PCDH11Y: variants seen among roughly 807,000 people sequenced by gnomAD.
PCDH11Y encodes protocadherin 11 Y-linked, also known as protocadherin-11 Y-linked.
For synonymous variants in PCDH11Y, 9 were observed against 83.6 expected, an observed-to-expected ratio of 0.11 and a Z score of 4.87; for missense variants, 12 against 224.8, an observed-to-expected ratio of 0.05 and a Z score of 6.05.
chrY:5,427,768 C>T (rs1428477660), intron 2 of PCDH11Y, among the ~76,000 whole-genome samples: 190 of 33,016 alleles, frequency 5.8e-3, no homozygotes, highest in Non-Finnish European at 0.013. Context: ...TACTGACACA[C>T]GCCCAGTAGT....
chrY:5,167,517 T>TTGTG (rs56931360), intron 2 of PCDH11Y, among the ~76,000 whole-genome samples: 20 of 12,733 alleles, frequency 1.6e-3, no homozygotes, highest in East Asian at 4.1e-3. Flanking sequence ...ATCTCTTGGA[T>TTGTG]TGTGTGTGTG....
chrY:5,263,960 T>C, intron 2 of PCDH11Y, among the ~76,000 whole-genome samples: 1 of 33,289 alleles, frequency 3.0e-5, no homozygotes, highest in Non-Finnish European at 7.5e-5. Context: ...TGGTATTCTA[T>C]TGTACTATGG....
chrY:5,477,052 G>A, intron 2 of PCDH11Y, among the ~76,000 whole-genome samples: 1 of 32,125 alleles, frequency 3.1e-5, no homozygotes, highest in African/African-American at 1.2e-4. Context: ...GATTACAGGT[G>A]TGAACCACCA....
chrY:5,037,714 T>C (rs2052601650), intron 3 of PCDH11Y: 1 of 82,179 alleles, frequency 1.2e-5, no homozygotes. Flanking sequence ...AATTTGTTTA[T>C]TCCGTTCAAA....
At chrY:5,157,876 C>CAT (rs2052871158) in intron 2 of PCDH11Y, among the ~76,000 whole-genome samples, 1 of 33,149 alleles carries the variant, frequency 3.0e-5, no homozygotes, top group African/African-American at 1.2e-4. Context: ...CCCCCCTGAA[C>CAT]ATAATTTGCT....
At chrY:5,138,289 C>G in intron 2 of PCDH11Y, among the ~76,000 whole-genome samples, 1 of 32,949 alleles carries the variant, frequency 3.0e-5, no homozygotes, top group Non-Finnish European at 7.5e-5. Context: ...GCATTAAATG[C>G]TTACATCAAA....
At chrY:5,086,286 T>G in intron 1 of PCDH11Y, among the ~76,000 whole-genome samples, 1 of 32,746 alleles carries the variant, frequency 3.1e-5, no homozygotes, top group Non-Finnish European at 7.5e-5. Flanking sequence ...TTCAATCTCT[T>G]TGTTAAATTT....
chrY:5,253,737 A>T, intron 2 of PCDH11Y, among the ~76,000 whole-genome samples: 1 of 33,663 alleles, frequency 3.0e-5, no homozygotes, highest in Admixed American at 2.7e-4. Flanking sequence ...GGACAGGGAC[A>T]ACTGCTGATT....
intron 4 of PCDH11Y, among the ~76,000 whole-genome samples, chrY:5,709,341 C>T (rs2124712878): frequency 3.0e-5 from 1 of 33,236 alleles, no homozygotes; most frequent in African/African-American, 1.2e-4. Flanking sequence ...GTCTATTAAA[C>T]TCTTTCCTGC....
intron 2 of PCDH11Y, among the ~76,000 whole-genome samples, chrY:5,435,353 G>A (rs2053273478): frequency 6.4e-3 from 139 of 21,625 alleles, no homozygotes; most frequent in African/African-American, 0.024. Context: ...TCGCTCTGTC[G>A]CCCAGGCTGG....
intron 2 of PCDH11Y, among the ~76,000 whole-genome samples, chrY:5,435,896 C>T: frequency 3.1e-5 from 1 of 32,730 alleles, no homozygotes. Flanking sequence ...CTTCCCATCT[C>T]ATCATGCCTG....
chrY:5,362,917 T>G (rs2124672051), intron 2 of PCDH11Y, among the ~76,000 whole-genome samples: 12 of 32,411 alleles, frequency 3.7e-4, no homozygotes, highest in Middle Eastern at 0.014. Flanking sequence ...TTTTTAATGG[T>G]ATGTTATGAA....
chrY:5,257,474 A>T, intron 2 of PCDH11Y, among the ~76,000 whole-genome samples: 1 of 30,894 alleles, frequency 3.2e-5, no homozygotes, highest in African/African-American at 1.3e-4. Flanking sequence ...GGCTCATGTG[A>T]TTCTCCCATC....
At chrY:5,640,825 C>T in intron 4 of PCDH11Y, among the ~76,000 whole-genome samples, 1 of 33,352 alleles carries the variant, frequency 3.0e-5, no homozygotes, top group Non-Finnish European at 7.4e-5. Context: ...AGAGAATCAG[C>T]CTGTCCTCTG....
intron 2 of PCDH11Y, among the ~76,000 whole-genome samples, chrY:5,323,558 T>C: frequency 5.9e-5 from 2 of 33,656 alleles, no homozygotes; most frequent in Admixed American, 2.7e-4. Flanking sequence ...CCTAAAAGGG[T>C]AATGACATGC....
At chrY:5,313,819 A>G in intron 2 of PCDH11Y, among the ~76,000 whole-genome samples, 1 of 31,925 alleles carries the variant, frequency 3.1e-5, no homozygotes, top group Non-Finnish European at 7.6e-5. Flanking sequence ...ATAACTATAC[A>G]TATAATATAG....
chrY:5,430,991 T>C, intron 2 of PCDH11Y, among the ~76,000 whole-genome samples: 1 of 32,263 alleles, frequency 3.1e-5, no homozygotes, highest in Non-Finnish European at 7.6e-5. Context: ...TCTGAATTTT[T>C]AATCTCATAA....
chrY:5,061,137 G>A, intron 1 of PCDH11Y, among the ~76,000 whole-genome samples: 2 of 32,778 alleles, frequency 6.1e-5, no homozygotes, highest in Non-Finnish European at 1.5e-4. Context: ...ACTTTGATGC[G>A]ATTAATTTTC....
chrY:5,045,050 C>T, intron 3 of PCDH11Y, among the ~76,000 whole-genome samples: 1 of 33,111 alleles, frequency 3.0e-5, no homozygotes, highest in South Asian at 6.8e-4. Context: ...ACTGATAGGT[C>T]TTGACTCTTT....
Sources: allele counts gnomAD v4.1 joint callset (sites outside exome capture counted in the v4.1 genomes callset), GRCh38; gene constraint gnomAD v4.1.1; transcripts MANE v1.5; gene names NCBI Gene and HGNC (gene_info 2026-07-23, HGNC 2026-07-21).